Variants in SLF2 observed in about 807,000 individuals in gnomAD.
SLF2 encodes SMC5/6 complex localization factor 2.
SLF2 carries 68 observed loss-of-function variants against 124.3 expected under a neutral mutation model. The ratio of observed to expected loss-of-function variants is 0.55; its 90% CI spans 0.45 to 0.67. The LOEUF is 0.67. Ranked by LOEUF, SLF2 falls within the 30% of genes least tolerant of loss-of-function variation. The pLI, the probability that SLF2 is intolerant of heterozygous loss-of-function variation, is 0.00. For synonymous variants in SLF2, 480 were observed against 478.8 expected (o/e 1.00, Z -0.03); for missense variants, 1,246 against 1,373.7 (o/e 0.91, Z 1.47).
At chr10:100,930,140 G>A in intron 8 of SLF2, 143 bp downstream of exon 8, 1 of 503,306 alleles carries the variant, frequency 2.0e-6, no homozygotes, top group East Asian at 3.3e-5. Flanking sequence ...TGATCTTTAT[G>A]TTTTCTTCTT....
chr10:100,949,810 G>A (rs1850176402), intron 15 of SLF2, among the ~76,000 whole-genome samples: 1 of 151,960 alleles, frequency 6.6e-6, no homozygotes. Flanking sequence ...TGGCCAGGCT[G>A]GTCTTGAACC....
At chr10:100,931,964 C>G (rs1244064605) in intron 9 of SLF2, among the ~76,000 whole-genome samples, 1 of 151,246 alleles carries the variant, frequency 6.6e-6, no homozygotes, top group Non-Finnish European at 1.5e-5. Flanking sequence ...TGTACTGCAG[C>G]CTGGGGGACA....
chr10:100,926,135 G>C (rs765394999), intron 6 of SLF2, 116 bp downstream of exon 6: 5 of 1,574,240 alleles, frequency 3.2e-6, no homozygotes, highest in Non-Finnish European at 4.3e-6. Context: ...TTTGGACTCT[G>C]TTGTCAACTG....
At chr10:100,947,710 A>T in intron 14 of SLF2, 50 bp from the exon 15 acceptor site, 1 of 1,305,988 alleles carries the variant, frequency 7.7e-7, no homozygotes, top group East Asian at 2.3e-5. Context: ...TTGCTTTTCA[A>T]GCAGTATTAA....
At position 100,935,213 on chromosome 10, in the gene SLF2, G is replaced by A. The variant is rs150721774; in HGVS notation, c.2437-2189G>A. ...GTTTGAGACCACCCTAGCCAACATA[G>A]TGAAACCCAGTCTTTACTAAAAATA... On this transcript the variant is annotated intron_variant, in intron 9 of 19. Transcript: ENST00000238961. Among the ~76,000 whole-genome samples the A allele has an allele frequency of 5.8e-3, 880 of 152,142 alleles. 14 individuals carry two copies. Among genetic ancestry groups the A allele is most frequent in the African/African-American group, 0.02 (826 of 41,514 alleles).
intron 5 of SLF2, among the ~76,000 whole-genome samples, 197 bp downstream of exon 5, chr10:100,925,169 ACT>A (rs1433862602): frequency 5.3e-5 from 8 of 152,252 alleles, no homozygotes; most frequent in African/African-American, 1.9e-4. Flanking sequence ...TGGTCTCCAA[ACT>A]CTTTTGATCA....
chr10:100,939,239 G>A (rs1363704311), intron 11 of SLF2, among the ~76,000 whole-genome samples: 1 of 152,190 alleles, frequency 6.6e-6, no homozygotes, highest in East Asian at 1.9e-4. Flanking sequence ...GATACACTGG[G>A]CTGGGTGTGG....
intron 14 of SLF2, among the ~76,000 whole-genome samples, chr10:100,947,486 AG>A (rs1286316470): frequency 3.8e-4 from 58 of 152,300 alleles, no homozygotes; most frequent in African/African-American, 1.4e-3. Context: ...AAATTTCATC[AG>A]TAAAAAAATA....
chr10:100,920,539 A>G (rs944041412), intron 4 of SLF2, among the ~76,000 whole-genome samples: 1 of 152,250 alleles, frequency 6.6e-6, no homozygotes, highest in Non-Finnish European at 1.5e-5. Flanking sequence ...TACTCTTAAT[A>G]AATATACATT....
chr10:100,959,330 G>T lies in SLF2; in HGVS notation c.3418-98G>T, dbSNP rs1185290295. 12 of 1,074,076 alleles carry T rather than the reference G, an allele frequency of 1.1e-5. No homozygotes were observed. The South Asian group carries it at 2.5e-4, about 22-fold the overall frequency. 66.5% of individuals were successfully genotyped at this position (1,074,076 alleles called of 1,614,324 possible). A position where few individuals can be genotyped will look rare whatever the true frequency, so the allele number is the denominator to read the frequency against. Reference sequence around the variant, plus strand: ...AAATCAAATTGAGTTGTTGAGTGTGGGCCTGTTGCAGCTGTCAGATATTTT... The same window carrying T: ...AAATCAAATTGAGTTGTTGAGTGTGTGCCTGTTGCAGCTGTCAGATATTTT... On this transcript the variant is annotated intron_variant, in intron 18 of 19. Transcript: ENST00000238961.
intron 15 of SLF2, among the ~76,000 whole-genome samples, chr10:100,948,205 C>T (rs1383933993): frequency 6.6e-6 from 1 of 152,200 alleles, no homozygotes; most frequent in Non-Finnish European, 1.5e-5. Flanking sequence ...AATTGCAAAA[C>T]CCTTGTACAT....
rs1020142771 is a variant in SLF2, at chr10:100,947,036, C to T, written c.2935-3C>T. On this transcript the variant is annotated splice_region_variant and splice_polypyrimidine_tract_variant and intron_variant, in intron 13 of 19. Coordinates refer to ENST00000238961, the MANE Select transcript of SLF2 (RefSeq NM_018121.4). Reference sequence around the variant, plus strand: ...AGAAATCTTACATGTTCTTTTTTTTCAGGTGCCTGAACTCTGTCTGGGCAT... The same window carrying T: ...AGAAATCTTACATGTTCTTTTTTTTTAGGTGCCTGAACTCTGTCTGGGCAT... The T allele has an allele frequency of 4.3e-6, 7 of 1,609,786 alleles. No homozygotes were observed. In the African/African-American group the frequency reaches 8.0e-5, roughly 18 times the overall value.
At chr10:100,956,067 C>A (rs1365939212) in intron 17 of SLF2, among the ~76,000 whole-genome samples, 1 of 151,336 alleles carries the variant, frequency 6.6e-6, no homozygotes, top group Non-Finnish European at 1.5e-5. Context: ...GACCCCATTT[C>A]TTTAAAAAAT....
At chr10:100,940,516 C>T (rs761919998) in intron 11 of SLF2, among the ~76,000 whole-genome samples, 1 of 152,112 alleles carries the variant, frequency 6.6e-6, no homozygotes, top group Non-Finnish European at 1.5e-5. Flanking sequence ...CTCACCACCA[C>T]GCCCAGCTAA....
At chr10:100,952,673 T>C (rs1850242007) in intron 17 of SLF2, among the ~76,000 whole-genome samples, 1 of 151,966 alleles carries the variant, frequency 6.6e-6, no homozygotes, top group South Asian at 2.1e-4. Context: ...GCACAGTGGC[T>C]CACACATGTA....
At chr10:100,960,077 TTAATA>T (rs1406280332) in intron 19 of SLF2, among the ~76,000 whole-genome samples, 2 of 152,240 alleles carry the variant, frequency 1.3e-5, no homozygotes, top group African/African-American at 4.8e-5. Context: ...CTGTTTTCAG[TTAATA>T]TAATAATAAG....
At chr10:100,939,325 C>G (rs1224707742) in intron 11 of SLF2, among the ~76,000 whole-genome samples, 1 of 151,944 alleles carries the variant, frequency 6.6e-6, no homozygotes, top group Non-Finnish European at 1.5e-5. Context: ...TTGGAAGTTG[C>G]AGCGAGTTCA....
chr10:100,916,539 C>T, intron 2 of SLF2, 31 bp from the exon 3 acceptor site: 1 of 1,306,478 alleles, frequency 7.7e-7, no homozygotes, highest in Non-Finnish European at 9.8e-7. Context: ...TACTAACATG[C>T]AATTTGTATG....
In SLF2 at chr10:100,926,024, G is replaced by A. The variant is rs1265769200; in HGVS notation, c.2042+5G>A. On this transcript the variant is annotated splice_donor_5th_base_variant and intron_variant, in intron 6 of 19. Coordinates refer to ENST00000238961, the MANE Select transcript of SLF2 (RefSeq NM_018121.4). The stretch of plus-strand genomic sequence containing the variant: ...GGAAATGGAAGACACACAAAGGTTT[G>A]TTAGCATAAAGATTAATTTGCTAAA... The A allele has an allele frequency of 6.2e-7, 1 of 1,614,132 alleles. No individual in the cohort carries two copies. The highest frequency in any genetic ancestry group is 8.5e-7 in the Non-Finnish European group (1 of 1,180,002).
Sources: gnomAD v4.1 joint callset for allele counts (sites outside exome capture counted in the v4.1 genomes callset) on GRCh38, gnomAD v4.1.1 for gene constraint, MANE v1.5 for transcripts, NCBI Gene and HGNC (gene_info 2026-07-23, HGNC 2026-07-21) for gene names.